NETO1: variants seen among roughly 807,000 people sequenced by gnomAD.
NETO1 encodes the protein neuropilin and tolloid like 1.
A neutral mutation model predicts 61.3 loss-of-function variants in NETO1; 26 were observed. The ratio of observed to expected loss-of-function variants is 0.42; its 90% CI spans 0.31 to 0.59. The LOEUF is 0.59. Ranked by LOEUF, NETO1 falls within the 20% of genes least tolerant of loss-of-function variation. The pLI, the probability that NETO1 is intolerant of heterozygous loss-of-function variation, is 0.12. For missense variants in NETO1, 531 were observed against 662.8 expected (o/e 0.80, Z 2.18); for synonymous variants, 225 against 225.8 (o/e 1.00, Z 0.03).
At chr18:72,773,900 G>A (rs1449041519) in intron 7 of NETO1, among the ~76,000 whole-genome samples, 2 of 151,860 alleles carry the variant, frequency 1.3e-5, no homozygotes, top group South Asian at 2.1e-4. Flanking sequence ...CTCAGTTTTT[G>A]GAACTTAAAT....
At chr18:72,836,374 T>C (rs1317593299) in intron 4 of NETO1, among the ~76,000 whole-genome samples, 2 of 152,200 alleles carry the variant, frequency 1.3e-5, no homozygotes, top group South Asian at 2.1e-4. Flanking sequence ...ACTCTCCTTA[T>C]ACATTTTCTT....
intron 4 of NETO1, among the ~76,000 whole-genome samples, chr18:72,822,745 A>C (rs1009786140): frequency 2.0e-5 from 3 of 152,202 alleles, no homozygotes; most frequent in Non-Finnish European, 4.4e-5. Context: ...TGCGGTAGAC[A>C]CTGTTCTGTA....
chr18:72,844,903 A>G (rs1262155749), intron 4 of NETO1, among the ~76,000 whole-genome samples: 1 of 151,894 alleles, frequency 6.6e-6, no homozygotes, highest in African/African-American at 2.4e-5. Context: ...CATCCTGAGG[A>G]CACAGTGAGG....
intron 7 of NETO1, among the ~76,000 whole-genome samples, chr18:72,778,732 A>G (rs139161755): frequency 0.012 from 1,787 of 152,266 alleles, 26 homozygotes; most frequent in South Asian, 0.015. Flanking sequence ...ATTATCTAAC[A>G]AGATTCTCCT....
intron 4 of NETO1, among the ~76,000 whole-genome samples, chr18:72,817,091 G>C (rs1273871497): frequency 6.6e-6 from 1 of 152,154 alleles, no homozygotes; most frequent in African/African-American, 2.4e-5. Flanking sequence ...CCCATCAAGA[G>C]GCAGAGTTTA....
chr18:72,742,486 T>C (rs1411559764), downstream of NETO1: 5 of 152,206 alleles, frequency 3.3e-5, no homozygotes, highest in African/African-American at 1.2e-4. Context: ...ATAAAAAATA[T>C]CTTCCAATGA....
At chr18:72,789,916 G>A (rs2072056219) in intron 6 of NETO1, among the ~76,000 whole-genome samples, 1 of 152,130 alleles carries the variant, frequency 6.6e-6, no homozygotes, top group African/African-American at 2.4e-5. Context: ...AATCACATAG[G>A]CACATTTATC....
At chr18:72,755,672 T>C (rs1165786351) in intron 8 of NETO1, among the ~76,000 whole-genome samples, 1 of 151,944 alleles carries the variant, frequency 6.6e-6, no homozygotes, top group Non-Finnish European at 1.5e-5. Flanking sequence ...CAAAGTCCAA[T>C]CAAGACAAAC....
At chr18:72,770,329 G>C (rs555498872) in intron 7 of NETO1, among the ~76,000 whole-genome samples, 2 of 151,808 alleles carry the variant, frequency 1.3e-5, no homozygotes, top group East Asian at 3.9e-4. Flanking sequence ...TATTCTCCAG[G>C]TCAACTTTTC....
At chr18:72,810,084 A>G (rs2072815461) in intron 4 of NETO1, among the ~76,000 whole-genome samples, 1 of 152,254 alleles carries the variant, frequency 6.6e-6, no homozygotes, top group African/African-American at 2.4e-5. Context: ...ATCTCCTGGA[A>G]GTGTACAACT....
intron 4 of NETO1, among the ~76,000 whole-genome samples, chr18:72,829,318 T>C (rs1016642189): frequency 1.3e-5 from 2 of 152,166 alleles, no homozygotes; most frequent in African/African-American, 4.8e-5. Flanking sequence ...AGCTGATCTA[T>C]AGACCAACCA....
chr18:72,818,475 A>T (rs1323346550), intron 4 of NETO1, among the ~76,000 whole-genome samples: 1 of 152,238 alleles, frequency 6.6e-6, no homozygotes, highest in Non-Finnish European at 1.5e-5. Flanking sequence ...ACACTAGCAC[A>T]GTGGAAAAGG....
chr18:72,824,599 T>C (rs2073314140), intron 4 of NETO1, among the ~76,000 whole-genome samples: 1 of 152,040 alleles, frequency 6.6e-6, no homozygotes, highest in Admixed American at 6.6e-5. Context: ...GCGTGGTGGC[T>C]CACGCCTGTA....
At chr18:72,772,046 A>C (rs2071368750) in intron 7 of NETO1, among the ~76,000 whole-genome samples, 1 of 152,018 alleles carries the variant, frequency 6.6e-6, no homozygotes, top group Non-Finnish European at 1.5e-5. Context: ...AAGTTGTTGG[A>C]ATGTTTCAGT....
intron 8 of NETO1, among the ~76,000 whole-genome samples, chr18:72,755,220 T>G (rs79931194): frequency 6.6e-6 from 1 of 152,264 alleles, no homozygotes; most frequent in South Asian, 2.1e-4. Context: ...AAGTAATGGA[T>G]TACGAAAGTA....
chr18:72,852,129 A>G (rs1442521987), intron 4 of NETO1, among the ~76,000 whole-genome samples: 1 of 152,254 alleles, frequency 6.6e-6, no homozygotes, highest in Non-Finnish European at 1.5e-5. Context: ...ATAAATAAAT[A>G]TAAACACACT....
At chr18:72,789,137 G>A (rs1417985783) in intron 6 of NETO1, among the ~76,000 whole-genome samples, 3 of 150,946 alleles carry the variant, frequency 2.0e-5, no homozygotes, top group East Asian at 2.0e-4. Flanking sequence ...CCGTTTGGAC[G>A]GTATCAATGT....
In NETO1 at chr18:72,749,187, T is replaced by C. The variant is rs530258325; in HGVS notation, c.1542-99A>G. ...AAAGCATTTTTAAAATTCAGAAAAC[T>C]GTGGAAATAGACTTATGTCAGCATG... On this transcript the variant is annotated intron_variant, in intron 9 of 10. Coordinates refer to ENST00000327305, the MANE Select transcript of NETO1 (RefSeq NM_138966.5). 7.6e-6 allele frequency: 6 copies of C among 785,658 alleles called. No homozygotes were observed. The African/African-American group carries it at 1.0e-4, about 14-fold the overall frequency. 48.7% of individuals were successfully genotyped at this position (785,658 alleles called of 1,614,324 possible). A position where few individuals can be genotyped will look rare whatever the true frequency, so the allele number is the denominator to read the frequency against.
intron 8 of NETO1, among the ~76,000 whole-genome samples, chr18:72,751,474 G>A (rs11659202): frequency 0.011 from 1,750 of 152,234 alleles, 25 homozygotes; most frequent in Non-Finnish European, 0.015. Context: ...CTCCTTAGAA[G>A]GGGAAAGCTA....
Sources: gnomAD v4.1 joint callset for allele counts (sites outside exome capture counted in the v4.1 genomes callset) on GRCh38, gnomAD v4.1.1 for gene constraint, MANE v1.5 for transcripts, NCBI Gene and HGNC (gene_info 2026-07-23, HGNC 2026-07-21) for gene names.